Variants in PTPRM observed in about 807,000 individuals in gnomAD.
The protein encoded by PTPRM is receptor-type tyrosine-protein phosphatase mu.
In PTPRM, 47 loss-of-function variants were observed where a neutral mutation model predicts 186.7. That is an observed-to-expected ratio of 0.25 (90% CI 0.20 to 0.32). PTPRM has a LOEUF of 0.32. PTPRM is among the 10% of genes least tolerant of loss of function. PTPRM has a pLI of 1.00. For missense variants in PTPRM, 1,494 were observed against 1,865.0 expected (o/e 0.80, Z 3.66); for synonymous variants, 668 against 674.9 (o/e 0.99, Z 0.16).
intron 32 of PTPRM, chr18:8,403,084 A>G (rs1246684156): frequency 6.6e-6 from 1 of 152,074 alleles, no homozygotes; most frequent in Non-Finnish European, 1.5e-5. Context: ...AGGGGAATGG[A>G]TTGGCCAAGA....
Position 7,949,168 on chromosome 18 carries a change from C to T in PTPRM, c.664-13C>T, listed in dbSNP as rs1205204160. 1 of 1,583,262 alleles carries T rather than the reference C, an allele frequency of 6.3e-7. No individual in the cohort carries two copies. The highest frequency in any genetic ancestry group is 8.7e-7 in the Non-Finnish European group (1 of 1,154,596). On this transcript the variant is annotated splice_polypyrimidine_tract_variant and intron_variant, in intron 5 of 32. Coordinates refer to ENST00000580170, the MANE Select transcript of PTPRM (RefSeq NM_001105244.2). ...ATTGCTTCTTTTTGTCCTCCCCACC[C>T]CACTTGATACAGGGCATTGATGTGC...
chr18:8,402,527 C>T lies in PTPRM; in HGVS notation c.4345-3582C>T, dbSNP rs529992112. On this transcript the variant is annotated intron_variant, in intron 32 of 32. Coordinates refer to ENST00000580170, the MANE Select transcript of PTPRM (RefSeq NM_001105244.2). ...AAAAGGAAATATGTTAAAAGGATGG[C>T]TCTGAGTAGCCACTGAAATTAATTG... is the stretch of plus-strand genomic sequence containing the variant. Among the ~76,000 whole-genome samples the T allele has an allele frequency of 8.5e-5, 13 of 152,274 alleles. No individual in the cohort carries two copies. The East Asian group carries it at 1.9e-3, about 23-fold the overall frequency.
rs146499752 is a variant in PTPRM, at chr18:7,945,649, C to G, written c.664-3532C>G. ...AAGACATCCAGTCAGGTCTTCTCCT[C>G]TGTGCTATGGGAGGCAGTTCATTGC... On this transcript the variant is annotated intron_variant, in intron 5 of 32. Coordinates refer to ENST00000580170, the MANE Select transcript of PTPRM (RefSeq NM_001105244.2). Among the ~76,000 whole-genome samples, 841 of 152,254 alleles carry G rather than the reference C, an allele frequency of 5.5e-3. 7 individuals are homozygous for G. The highest frequency in any genetic ancestry group is 0.019 in the African/African-American group (796 of 41,564).
chr18:7,716,264 GA>G, intron 1 of PTPRM, among the ~76,000 whole-genome samples: 1 of 152,154 alleles, frequency 6.6e-6, no homozygotes, highest in Admixed American at 6.5e-5. Context: ...ATGGGGAAAA[GA>G]TTCCCTATTT....
chr18:7,792,830 A>G (rs1456217606), intron 2 of PTPRM, among the ~76,000 whole-genome samples: 3 of 151,696 alleles, frequency 2.0e-5, no homozygotes, highest in Non-Finnish European at 4.4e-5. Context: ...ACACCTGGCT[A>G]ATTTTTTTGT....
At chr18:7,753,844 C>G (rs1478601795) in intron 1 of PTPRM, among the ~76,000 whole-genome samples, 1 of 151,026 alleles carries the variant, frequency 6.6e-6, no homozygotes, top group Non-Finnish European at 1.5e-5. Flanking sequence ...ATTTATAATT[C>G]TATTTTTTTT....
chr18:7,887,529 T>C (rs2048849302), intron 2 of PTPRM, among the ~76,000 whole-genome samples: 1 of 152,162 alleles, frequency 6.6e-6, no homozygotes, highest in African/African-American at 2.4e-5. Context: ...AGGGAACAGA[T>C]GGGGCCAATA....
chr18:7,714,249 A>G lies in PTPRM; in HGVS notation c.74-59900A>G, dbSNP rs112819444. Reference sequence around the variant, plus strand: ...CGCACAACTACATGGAAACTGAACAATCTCCTCCTGAGTGACTACTGGGTA... The same window carrying G: ...CGCACAACTACATGGAAACTGAACAGTCTCCTCCTGAGTGACTACTGGGTA... On this transcript the variant is annotated intron_variant, in intron 1 of 32. Coordinates refer to ENST00000580170, the MANE Select transcript of PTPRM (RefSeq NM_001105244.2). 9.5e-3 allele frequency among the ~76,000 whole-genome samples: 1,452 copies of G among 152,304 alleles called. 34 individuals are homozygous for G. Among genetic ancestry groups the G allele is most frequent in the African/African-American group, 0.033 (1,373 of 41,560 alleles).
intron 1 of PTPRM, among the ~76,000 whole-genome samples, chr18:7,679,126 C>T (rs898259351): frequency 6.6e-6 from 1 of 152,216 alleles, no homozygotes; most frequent in Non-Finnish European, 1.5e-5. Flanking sequence ...CATTTTTGAG[C>T]CTTTATCATA....
chr18:7,740,809 A>G (rs1179367899), intron 1 of PTPRM, among the ~76,000 whole-genome samples: 1 of 152,204 alleles, frequency 6.6e-6, no homozygotes, highest in African/African-American at 2.4e-5. Context: ...CAGAAATAAC[A>G]TTGATTAGTG....
chr18:8,340,722 A>T (rs982905025), intron 22 of PTPRM, among the ~76,000 whole-genome samples: 1 of 151,992 alleles, frequency 6.6e-6, no homozygotes, highest in Non-Finnish European at 1.5e-5. Context: ...CACAGTTACA[A>T]CTCCATAGGA....
intron 1 of PTPRM, among the ~76,000 whole-genome samples, chr18:7,628,275 A>G (rs1486480710): frequency 6.6e-6 from 1 of 152,214 alleles, no homozygotes; most frequent in Non-Finnish European, 1.5e-5. Context: ...TATTTTTCAC[A>G]TTAATATCAA....
At chr18:8,265,271 C>T (rs182633073) in intron 19 of PTPRM, among the ~76,000 whole-genome samples, 4 of 152,348 alleles carry the variant, frequency 2.6e-5, no homozygotes, top group Non-Finnish European at 4.4e-5. Context: ...TTGCTCCTCC[C>T]TGCTCTAGTT....
intron 22 of PTPRM, among the ~76,000 whole-genome samples, chr18:8,341,892 T>C (rs1157737309): frequency 1.3e-5 from 2 of 152,308 alleles, no homozygotes; most frequent in Non-Finnish European, 2.9e-5. Context: ...CTTCAGCCTC[T>C]ACATCAGGAG....
chr18:7,586,277 G>C (rs981213127), intron 1 of PTPRM, among the ~76,000 whole-genome samples: 1 of 152,064 alleles, frequency 6.6e-6, no homozygotes. Context: ...CTTCTCTGTT[G>C]GTTGGTTAGT....
At chr18:7,640,492 A>G (rs922970407) in intron 1 of PTPRM, among the ~76,000 whole-genome samples, 1 of 152,126 alleles carries the variant, frequency 6.6e-6, no homozygotes, top group African/African-American at 2.4e-5. Context: ...GTTTAAGTAA[A>G]CTAAAATATA....
chr18:7,876,088 C>T (rs917519436), intron 2 of PTPRM, among the ~76,000 whole-genome samples: 15 of 151,502 alleles, frequency 9.9e-5, no homozygotes, highest in East Asian at 7.8e-4. Context: ...GTCCATCTTT[C>T]GCCAAAATGT....
intron 13 of PTPRM, among the ~76,000 whole-genome samples, chr18:8,124,585 G>A (rs576195986): frequency 6.6e-6 from 1 of 152,172 alleles, no homozygotes; most frequent in African/African-American, 2.4e-5. Flanking sequence ...TGCATACTCA[G>A]ATGAGTGAAA....
At chr18:8,243,993 A>G (rs1167051354) in intron 14 of PTPRM, 65 bp from the exon 15 acceptor site, 5 of 1,453,226 alleles carry the variant, frequency 3.4e-6, no homozygotes, top group Non-Finnish European at 4.7e-6. Flanking sequence ...ATCTGTCAAT[A>G]TACATGCCAA....
Sources: allele counts gnomAD v4.1 joint callset (sites outside exome capture counted in the v4.1 genomes callset), GRCh38; gene constraint gnomAD v4.1.1; transcripts MANE v1.5; gene names NCBI Gene and HGNC (gene_info 2026-07-23, HGNC 2026-07-21).